The following NTNG1 variants were observed in gnomAD, a reference collection of about 807,000 sequenced individuals.
The protein encoded by NTNG1 is netrin-G1.
Under a neutral mutation model 54.0 loss-of-function variants are expected in NTNG1, and 16 were observed. The observed-to-expected ratio is 0.30, with a 90% CI of 0.20 to 0.45. The LOEUF is 0.45. Ranked by LOEUF, NTNG1 falls within the 20% of genes least tolerant of loss-of-function variation. The pLI is 1.00. For synonymous variants in NTNG1, 255 were observed against 263.1 expected, an observed-to-expected ratio of 0.97 and a Z score of 0.30; for missense variants, 530 against 678.7, an observed-to-expected ratio of 0.78 and a Z score of 2.43.
chr1:107,409,285 G>A (rs1423996359), intron 5 of NTNG1: 1 of 152,218 alleles, frequency 6.6e-6, no homozygotes, highest in East Asian at 1.9e-4. Context: ...GTAGAAGCAA[G>A]CTGACACAGA....
chr1:107,286,125 T>C (rs577017780), intron 2 of NTNG1, among the ~76,000 whole-genome samples: 60 of 152,262 alleles, frequency 3.9e-4, no homozygotes, highest in South Asian at 1.5e-3. Flanking sequence ...GTAACTTCTA[T>C]ATCAAATTCA....
chr1:107,304,018 G>GA (rs113866125), intron 2 of NTNG1, among the ~76,000 whole-genome samples: 22,038 of 139,702 alleles, frequency 0.16, 2,326 homozygotes, highest in African/African-American at 0.31. Context: ...CCTCTTTTCA[G>GA]AAAAAAAAAA....
intron 2 of NTNG1, among the ~76,000 whole-genome samples, chr1:107,187,381 T>C (rs1314429207): frequency 6.6e-6 from 1 of 152,160 alleles, no homozygotes; most frequent in African/African-American, 2.4e-5. Flanking sequence ...TTTATAGCTT[T>C]TTAAAATTTC....
chr1:107,431,321 A>C (rs114189526), intron 6 of NTNG1, among the ~76,000 whole-genome samples: 1 of 152,188 alleles, frequency 6.6e-6, no homozygotes, highest in African/African-American at 2.4e-5. Flanking sequence ...ATGAAAAATT[A>C]GGGTACAGAT....
chr1:107,455,262 C>T (rs1676878095), intron 7 of NTNG1, among the ~76,000 whole-genome samples: 1 of 152,164 alleles, frequency 6.6e-6, no homozygotes, highest in African/African-American at 2.4e-5. Context: ...CGGGGTTTCA[C>T]CATGTTGGTC....
At chr1:107,343,790 G>A (rs1333888758) in intron 3 of NTNG1, among the ~76,000 whole-genome samples, 5 of 152,028 alleles carry the variant, frequency 3.3e-5, no homozygotes, top group South Asian at 2.1e-4. Flanking sequence ...GTTTGTTCTC[G>A]TGAAAAAAGG....
intron 2 of NTNG1, among the ~76,000 whole-genome samples, chr1:107,180,725 G>A (rs1657000001): frequency 6.6e-6 from 1 of 152,030 alleles, no homozygotes; most frequent in Non-Finnish European, 1.5e-5. Flanking sequence ...GGCAGGCTTT[G>A]TTATCCAAAA....
intron 7 of NTNG1, among the ~76,000 whole-genome samples, chr1:107,450,262 A>G (rs759249393): frequency 4.6e-5 from 7 of 152,152 alleles, no homozygotes; most frequent in Non-Finnish European, 1.5e-5. Context: ...AGCTAGCAGT[A>G]TATGTCTGTT....
chr1:107,158,047 A>G lies in NTNG1; in HGVS notation c.246+9208A>G, dbSNP rs1484032022. On this transcript the variant is annotated intron_variant, in intron 2 of 7. Transcript: ENST00000370068. Reference sequence around the variant, plus strand: ...CCTGCTTCTGTCTTTTGTTCCTATTATAAGAACTTGGCTAAGTTGTCATTT... The same window carrying G: ...CCTGCTTCTGTCTTTTGTTCCTATTGTAAGAACTTGGCTAAGTTGTCATTT... Among the ~76,000 whole-genome samples, 4 of 152,116 alleles carry G rather than the reference A, an allele frequency of 2.6e-5. 1 individual carries two copies. Among genetic ancestry groups the G allele is most frequent in the Admixed American group, 1.3e-4 (2 of 15,236 alleles).
At chr1:107,479,744 A>G (rs1322930271) in intron 7 of NTNG1, among the ~76,000 whole-genome samples, 2 of 152,238 alleles carry the variant, frequency 1.3e-5, no homozygotes, top group Non-Finnish European at 2.9e-5. Context: ...TGAAGAAATA[A>G]GAAATTATTA....
chr1:107,292,564 G>A (rs746549494), intron 2 of NTNG1, among the ~76,000 whole-genome samples: 1 of 152,082 alleles, frequency 6.6e-6, no homozygotes, highest in Non-Finnish European at 1.5e-5. Flanking sequence ...ATCTGAAGCT[G>A]GTGATCAACA....
chr1:107,306,323 C>T lies in NTNG1; in HGVS notation c.247-17959C>T, dbSNP rs377600469. Among the ~76,000 whole-genome samples the T allele has an allele frequency of 1.3e-3, 195 of 152,282 alleles. 1 individual carries two copies. Among genetic ancestry groups the T allele is most frequent in the African/African-American group, 4.6e-3 (190 of 41,546 alleles). Reference sequence around the variant, plus strand: ...TTGTTTTCTTTTTGTACTAAGTCTTCAAAATCCAATGTGTAATTTATACTT... The same window carrying T: ...TTGTTTTCTTTTTGTACTAAGTCTTTAAAATCCAATGTGTAATTTATACTT... On this transcript the variant is annotated intron_variant, in intron 2 of 7. Coordinates refer to ENST00000370068, the MANE Select transcript of NTNG1 (RefSeq NM_001113226.3).
intron 5 of NTNG1, among the ~76,000 whole-genome samples, chr1:107,422,441 G>A (rs1249316285): frequency 2.0e-5 from 3 of 152,026 alleles, no homozygotes; most frequent in Non-Finnish European, 4.4e-5. Flanking sequence ...ATTTGAACCT[G>A]CATCTCTAGT....
At chr1:107,309,803 C>T (rs1666897563) in intron 2 of NTNG1, among the ~76,000 whole-genome samples, 1 of 152,110 alleles carries the variant, frequency 6.6e-6, no homozygotes, top group Non-Finnish European at 1.5e-5. Context: ...ACATTTCTAC[C>T]CAGCTTTTAA....
intron 7 of NTNG1, among the ~76,000 whole-genome samples, chr1:107,466,830 T>A (rs1022002178): frequency 6.6e-6 from 1 of 152,228 alleles, no homozygotes; most frequent in Non-Finnish European, 1.5e-5. Flanking sequence ...GGTTTAAGTA[T>A]CTTACCTCTC....
At chr1:107,318,458 C>CAACTT (rs149418243) in intron 2 of NTNG1, among the ~76,000 whole-genome samples, 140,174 of 151,458 alleles carry the variant, frequency 0.93, 65,817 homozygotes, top group East Asian at 1. Context: ...AAAAAGTTCT[C>CAACTT]AACAAGGAAA....
At chr1:107,410,017 T>C (rs1428123049) in intron 5 of NTNG1, 3 of 152,088 alleles carry the variant, frequency 2.0e-5, no homozygotes, top group Non-Finnish European at 4.4e-5. Context: ...GTTTTCAAGG[T>C]GCAAGCCAGA....
At chr1:107,205,379 T>C (rs1232325536) in intron 2 of NTNG1, among the ~76,000 whole-genome samples, 1 of 152,152 alleles carries the variant, frequency 6.6e-6, no homozygotes, top group Non-Finnish European at 1.5e-5. Context: ...ATTTTCAACT[T>C]ATCCAGCGTT....
At chr1:107,393,234 A>G (rs1437185366) in intron 3 of NTNG1, among the ~76,000 whole-genome samples, 3 of 152,154 alleles carry the variant, frequency 2.0e-5, no homozygotes, top group Non-Finnish European at 1.5e-5. Flanking sequence ...ACATTGTTCA[A>G]TTTCCTCATT....
Sources: allele counts gnomAD v4.1 joint callset (sites outside exome capture counted in the v4.1 genomes callset), GRCh38; gene constraint gnomAD v4.1.1; transcripts MANE v1.5; gene names NCBI Gene and HGNC (gene_info 2026-07-23, HGNC 2026-07-21).